The following PCDHGA10 variants were observed in gnomAD, a reference collection of about 807,000 sequenced individuals.
The protein encoded by PCDHGA10 is protocadherin gamma-A10.
A neutral mutation model predicts 59.5 loss-of-function variants in PCDHGA10; 42 were observed. The ratio of observed to expected loss-of-function variants is 0.71; its 90% CI spans 0.55 to 0.91. The LOEUF is 0.91. PCDHGA10 is among the 40% of genes least tolerant of loss of function. The pLI, the probability that PCDHGA10 is intolerant of heterozygous loss-of-function variation, is 0.00. For synonymous variants in PCDHGA10, 511 were observed against 517.2 expected (o/e 0.99, Z 0.16); for missense variants, 1,111 against 1,198.2 (o/e 0.93, Z 1.07).
intron 2 of PCDHGA10, among the ~76,000 whole-genome samples, chr5:141,495,193 T>C (rs1471524188): frequency 6.6e-6 from 1 of 152,192 alleles, no homozygotes; most frequent in Admixed American, 6.5e-5. Context: ...TCTATGCCCA[T>C]GTACTGCCTA....
chr5:141,421,855 C>T (rs1329066630), intron 1 of PCDHGA10: 1 of 1,613,764 alleles, frequency 6.2e-7, no homozygotes, highest in East Asian at 2.2e-5. Context: ...GGCTGCTCAC[C>T]TGCTCCTCCT....
chr5:141,478,121 G>T lies in PCDHGA10; in HGVS notation c.2437-16686G>T. On this transcript the variant is annotated intron_variant, in intron 1 of 3. Coordinates refer to ENST00000398610, the MANE Select transcript of PCDHGA10 (RefSeq NM_018913.3). ...TACCCTCACTGTGTCAGTAACCGAG[G>T]ACTCTCCTGAAGCCCGAGCCGAGTT... 2.5e-6 allele frequency: 4 copies of T among 1,614,036 alleles called. No individual in the cohort carries two copies. In the African/African-American group the frequency reaches 4.0e-5, roughly 16 times the overall value.
At chr5:141,498,352 C>T (rs1439698389) in intron 2 of PCDHGA10, among the ~76,000 whole-genome samples, 1 of 151,772 alleles carries the variant, frequency 6.6e-6, no homozygotes, top group Non-Finnish European at 1.5e-5. Flanking sequence ...AAAGCCTATG[C>T]AAAAGCCTTG....
intron 2 of PCDHGA10, among the ~76,000 whole-genome samples, chr5:141,501,876 C>T (rs1463329895): frequency 6.6e-6 from 1 of 152,118 alleles, no homozygotes; most frequent in East Asian, 1.9e-4. Context: ...CGCCTCCTTA[C>T]ACTCCTGATC....
chr5:141,430,885 C>G, intron 1 of PCDHGA10: 1 of 1,605,218 alleles, frequency 6.2e-7, no homozygotes, highest in Non-Finnish European at 8.5e-7. Context: ...TGGAGAAAGG[C>G]TCTAGGGTGG....
chr5:141,431,464 G>A lies in PCDHGA10; in HGVS notation c.2436+15853G>A. The A allele has an allele frequency of 1.9e-6, 3 of 1,613,782 alleles. No individual in the cohort carries two copies. Among genetic ancestry groups the A allele is most frequent in the Non-Finnish European group, 1.7e-6 (2 of 1,179,972 alleles). ...GCATCCGCGTGATGGTTCTGGATGC[G>A]AACGACAACGCACCAGCGTTTGCTC... On this transcript the variant is annotated intron_variant, in intron 1 of 3. Coordinates refer to ENST00000398610, the MANE Select transcript of PCDHGA10 (RefSeq NM_018913.3). This position sits in a 1 kb window ranked among gnomAD's most constrained non-coding sequence, Gnocchi z 4.8.
chr5:141,501,891 T>G (rs2099811650), intron 2 of PCDHGA10, among the ~76,000 whole-genome samples: 1 of 152,128 alleles, frequency 6.6e-6, no homozygotes, highest in Admixed American at 6.5e-5. Context: ...CTGATCATCA[T>G]GGTTCCAACC....
rs775963212 is a variant in PCDHGA10, at chr5:141,485,463, G to T, written c.2437-9344G>T. ...CCAATCGACCGAGAGGCACTGTGTG[G>T]GCTCAGTGCCAGCTGCATCGTGCCC... On this transcript the variant is annotated intron_variant, in intron 1 of 3. Coordinates refer to ENST00000398610, the MANE Select transcript of PCDHGA10 (RefSeq NM_018913.3). The surrounding 1 kb of genome is among the most constrained non-coding windows in gnomAD (Gnocchi z 5.7). The T allele has an allele frequency of 1.2e-6, 2 of 1,614,086 alleles. No individual in the cohort carries two copies. The highest frequency in any genetic ancestry group is 3.3e-5 in the Admixed American group (2 of 60,026).
intron 1 of PCDHGA10, among the ~76,000 whole-genome samples, chr5:141,494,039 G>A (rs901795348): frequency 2.0e-5 from 3 of 152,144 alleles, no homozygotes; most frequent in Non-Finnish European, 4.4e-5. Context: ...GACTTAGTTG[G>A]CCCTGCTTGG....
chr5:141,423,720 A>G, intron 1 of PCDHGA10: 1 of 957,774 alleles, frequency 1.0e-6, no homozygotes, highest in East Asian at 6.0e-5. Flanking sequence ...TTTTAAGGAG[A>G]TGTTTTTTGA....
chr5:141,450,823 A>ATT (rs1453980247), intron 1 of PCDHGA10, among the ~76,000 whole-genome samples: 2 of 133,076 alleles, frequency 1.5e-5, no homozygotes, highest in East Asian at 2.2e-4. Flanking sequence ...TAATATTATT[A>ATT]TTATTATTTT....
At chr5:141,462,896 A>G (rs1280422442) in intron 1 of PCDHGA10, among the ~76,000 whole-genome samples, 1 of 152,142 alleles carries the variant, frequency 6.6e-6, no homozygotes, top group African/African-American at 2.4e-5. Context: ...TTGTTTTGGA[A>G]GGCTATTATG....
In PCDHGA10 at chr5:141,414,147, A is replaced by G; in HGVS notation, c.972A>G (p.Gln324=). 1 of 1,599,090 alleles carries G rather than the reference A, an allele frequency of 6.3e-7. No individual in the cohort carries two copies. Among genetic ancestry groups the G allele is most frequent in the Non-Finnish European group, 8.5e-7 (1 of 1,172,428 alleles). ...CCGGTTTCTATGAAATAGAAATACA[A>G]GCAGAAGATGGAGGAGCATATCTTG... ...EETGFYEIEI[Q]AEDGGAYLAT... is the part of the protein sequence containing the mutation. Residue 324 remains glutamine (Q), a synonymous_variant, in exon 1 of 4, where the codon CAA becomes CAG. Coordinates refer to ENST00000398610, the MANE Select transcript of PCDHGA10 (RefSeq NM_018913.3).
chr5:141,431,438 C>A lies in PCDHGA10; in HGVS notation c.2436+15827C>A, dbSNP rs773812765. 6.2e-7 allele frequency: 1 copy of A among 1,613,612 alleles called. No homozygotes were observed. The highest frequency in any genetic ancestry group is 1.7e-5 in the Admixed American group (1 of 60,004). ...CGACCCGGTGCGCACAGGCACCGCG[C>A]GCATCCGCGTGATGGTTCTGGATGC... On this transcript the variant is annotated intron_variant, in intron 1 of 3. Coordinates refer to ENST00000398610, the MANE Select transcript of PCDHGA10 (RefSeq NM_018913.3). This position sits in a 1 kb window ranked among gnomAD's most constrained non-coding sequence, Gnocchi z 4.8.
intron 1 of PCDHGA10, chr5:141,428,211 C>T (rs777952475): frequency 2.2e-5 from 28 of 1,284,198 alleles, no homozygotes; most frequent in South Asian, 4.9e-5. Flanking sequence ...CTACGCTTCA[C>T]CTAGTCTTCG....
intron 1 of PCDHGA10, among the ~76,000 whole-genome samples, chr5:141,481,126 A>G (rs2099532217): frequency 6.6e-6 from 1 of 152,222 alleles, no homozygotes. Context: ...CATTTAGCAT[A>G]TTTGTGAAGT....
intron 1 of PCDHGA10, among the ~76,000 whole-genome samples, chr5:141,473,916 A>T (rs1014065718): frequency 2.6e-5 from 4 of 152,162 alleles, no homozygotes; most frequent in Non-Finnish European, 4.4e-5. Flanking sequence ...TCTTAAGAAA[A>T]CTATGAGCTG....
chr5:141,448,152 C>T (rs1463599948), intron 1 of PCDHGA10, among the ~76,000 whole-genome samples: 1 of 151,984 alleles, frequency 6.6e-6, no homozygotes, highest in African/African-American at 2.4e-5. Flanking sequence ...CAGACTCACC[C>T]CTGAAAGATC....
Position 141,491,482 on chromosome 5 carries a change from A to G in PCDHGA10, c.2437-3325A>G. On this transcript the variant is annotated intron_variant, in intron 1 of 3. Coordinates refer to ENST00000398610, the MANE Select transcript of PCDHGA10 (RefSeq NM_018913.3). The surrounding 1 kb of genome is among the most constrained non-coding windows in gnomAD (Gnocchi z 6.9). Reference sequence around the variant, plus strand: ...GGACTTCTATAAGCAGTCCAGCCCCAACCTGCAGGTGAGCTCGGACGGCAC... The same window carrying G: ...GGACTTCTATAAGCAGTCCAGCCCCGACCTGCAGGTGAGCTCGGACGGCAC... 1 of 1,614,088 alleles carries G rather than the reference A, an allele frequency of 6.2e-7. No individual in the cohort carries two copies. The highest frequency in any genetic ancestry group is 8.5e-7 in the Non-Finnish European group (1 of 1,180,006).
Sources: allele counts gnomAD v4.1 joint callset (sites outside exome capture counted in the v4.1 genomes callset), GRCh38; gene constraint gnomAD v4.1.1; non-coding constraint Gnocchi (gnomAD v3.1); transcripts MANE v1.5; gene names NCBI Gene and HGNC (gene_info 2026-07-23, HGNC 2026-07-21).